RANBP3: variants seen among roughly 807,000 people sequenced by gnomAD.
RANBP3 encodes the protein ran-binding protein 3.
In RANBP3, 14 loss-of-function variants were observed where a neutral mutation model predicts 77.3. That is an observed-to-expected ratio of 0.18 (90% confidence interval 0.12 to 0.28). RANBP3 has a LOEUF of 0.28. Ranked by LOEUF, RANBP3 falls within the 10% of genes least tolerant of loss-of-function variation. The pLI is 1.00. For synonymous variants in RANBP3, 315 were observed against 312.4 expected, an observed-to-expected ratio of 1.01 and a Z score of -0.09; for missense variants, 586 against 752.3, an observed-to-expected ratio of 0.78 and a Z score of 2.59.
chr19:5,933,337 G>T, intron 6 of RANBP3, 77 bp downstream of exon 6: 1 of 1,184,854 alleles, frequency 8.4e-7, no homozygotes, highest in Non-Finnish European at 1.2e-6. Flanking sequence ...TGAGCCCGCG[G>T]TGCCCTGGTG....
intron 5 of RANBP3, among the ~76,000 whole-genome samples, chr19:5,936,154 G>A (rs1361521056): frequency 6.6e-6 from 1 of 152,258 alleles, no homozygotes; most frequent in Non-Finnish European, 1.5e-5. Flanking sequence ...ATCAAATGCT[G>A]AGAAGGCAGC....
chr19:5,977,571 G>A (rs927615279), intron 1 of RANBP3, among the ~76,000 whole-genome samples: 2 of 152,116 alleles, frequency 1.3e-5, no homozygotes, highest in Non-Finnish European at 2.9e-5. Context: ...TCCGTCCGCG[G>A]TGTGCGGCTG....
intron 3 of RANBP3, among the ~76,000 whole-genome samples, chr19:5,943,755 T>A (rs1235127035): frequency 6.6e-6 from 1 of 152,114 alleles, no homozygotes; most frequent in East Asian, 1.9e-4. Flanking sequence ...ATTATCACTA[T>A]CCCCACGAGA....
chr19:5,976,787 C>A (rs1271752362), intron 1 of RANBP3, among the ~76,000 whole-genome samples: 2 of 152,164 alleles, frequency 1.3e-5, no homozygotes, highest in Non-Finnish European at 2.9e-5. Flanking sequence ...GGGAGAGAAC[C>A]TGTGCTGCTG....
At chr19:5,954,434 G>A (rs902404165) in intron 2 of RANBP3, among the ~76,000 whole-genome samples, 6 of 152,152 alleles carry the variant, frequency 3.9e-5, no homozygotes, top group African/African-American at 1.4e-4. Context: ...GGCCATGCAG[G>A]AGAATGGCCT....
chr19:5,948,768 GA>G (rs1296478615), intron 3 of RANBP3, among the ~76,000 whole-genome samples: 1 of 152,162 alleles, frequency 6.6e-6, no homozygotes, highest in Middle Eastern at 3.2e-3. Flanking sequence ...ATTCATTCCA[GA>G]ACCTCCTTAA....
At position 5,930,129 on chromosome 19, in the gene RANBP3, G is replaced by A. The variant is rs189960538; in HGVS notation, c.693+1275C>T. ...CAGAGACACTGGGAGATGGCGGGACGGGCTGGGTCACTTCTAAGTCCTTCT... is the reference window on the plus strand; with the variant it reads ...CAGAGACACTGGGAGATGGCGGGACAGGCTGGGTCACTTCTAAGTCCTTCT... On this transcript the variant is annotated intron_variant, in intron 8 of 16. Transcript: ENST00000340578. 2.1e-3 allele frequency among the ~76,000 whole-genome samples: 327 copies of A among 152,326 alleles called. 1 individual carries two copies. Among genetic ancestry groups the A allele is most frequent in the Non-Finnish European group, 3.1e-3 (214 of 68,034 alleles).
Position 5,917,763 on chromosome 19 carries a change from T to TC in RANBP3, c.1660+30dup, listed in dbSNP as rs748432686. 681 of 1,588,468 alleles carry TC rather than the reference T, an allele frequency of 4.3e-4. 5 individuals carry two copies. Among genetic ancestry groups the TC allele is most frequent in the Non-Finnish European group, 3.3e-4 (380 of 1,166,078 alleles). On this transcript the variant is annotated intron_variant, in intron 16 of 16. Coordinates refer to ENST00000340578, the MANE Select transcript of RANBP3 (RefSeq NM_007322.3). ...CAAGGATGGCGGGCAGCTCTTTCTA[T>TC]CCCCCCCAGGGTAGGGACCACCCGA...
At chr19:5,966,976 C>T (rs565137770) in intron 1 of RANBP3, among the ~76,000 whole-genome samples, 6 of 152,352 alleles carry the variant, frequency 3.9e-5, no homozygotes, top group South Asian at 4.1e-4. Flanking sequence ...TCTGGTGACA[C>T]GATCACAACC....
intron 1 of RANBP3, among the ~76,000 whole-genome samples, chr19:5,972,617 G>T (rs1329775172): frequency 1.1e-4 from 17 of 152,292 alleles, no homozygotes; most frequent in Non-Finnish European, 2.2e-4. Context: ...TGGTCCTCTG[G>T]TAAGTTTTGA....
chr19:5,932,731 C>A lies in RANBP3; in HGVS notation c.473-187G>T, dbSNP rs995764215. ...GGAGATCTGGCTACTGTTATTTTTA[C>A]ATGTGATTACATGAAACTCCCAGTG... On this transcript the variant is annotated intron_variant, in intron 6 of 16. Coordinates refer to ENST00000340578, the MANE Select transcript of RANBP3 (RefSeq NM_007322.3). 5 of 580,654 alleles carry A rather than the reference C, an allele frequency of 8.6e-6. No individual in the cohort carries two copies. The East Asian group carries it at 1.5e-4, about 17-fold the overall frequency. The allele number at this position is 580,654 out of a possible 1,614,324, so 36.0% of individuals were successfully genotyped here.
intron 1 of RANBP3, among the ~76,000 whole-genome samples, chr19:5,977,028 A>G (rs1432998150): frequency 6.6e-6 from 1 of 152,206 alleles, no homozygotes; most frequent in Non-Finnish European, 1.5e-5. Flanking sequence ...CAGTATGTCA[A>G]GACTTTGCAC....
At chr19:5,968,311 T>G (rs2058491926) in intron 1 of RANBP3, among the ~76,000 whole-genome samples, 1 of 152,210 alleles carries the variant, frequency 6.6e-6, no homozygotes, top group South Asian at 2.1e-4. Flanking sequence ...TGTTCAAACC[T>G]GCCCTGGCCA....
In RANBP3 at chr19:5,928,344, C is replaced by A. The variant is rs1439222862; in HGVS notation, c.694-257G>T. On this transcript the variant is annotated intron_variant, in intron 8 of 16. Transcript: ENST00000340578. ...TCCAAACAACAAGAAACACCTGTGC[C>A]CTGCAGAAGCCTTAGTGCCGGCAGA... 3.8e-5 allele frequency: 12 copies of A among 312,698 alleles called. No individual in the cohort carries two copies. In the East Asian group the frequency reaches 4.9e-4, roughly 13 times the overall value. The allele number at this position is 312,698 out of a possible 1,614,324, so 19.4% of individuals were successfully genotyped here.
chr19:5,940,599 C>T lies in RANBP3; in HGVS notation c.406+1022G>A, dbSNP rs79885853. 3.7e-3 allele frequency among the ~76,000 whole-genome samples: 566 copies of T among 152,292 alleles called. 1 individual carries two copies. The highest frequency in any genetic ancestry group is 5.7e-3 in the Non-Finnish European group (388 of 68,024). ...ACTTGGGAAGGACCCTGGCTTCCTA[C>T]GCTGTGTGTTCCTGTAACGCATGCG... is the stretch of plus-strand genomic sequence containing the variant. On this transcript the variant is annotated intron_variant, in intron 5 of 16. Coordinates refer to ENST00000340578, the MANE Select transcript of RANBP3 (RefSeq NM_007322.3).
chr19:5,922,656 C>T (rs528523567), intron 13 of RANBP3, among the ~76,000 whole-genome samples: 24 of 152,330 alleles, frequency 1.6e-4, no homozygotes, highest in African/African-American at 1.7e-4. Flanking sequence ...AAAAATGTCT[C>T]GGGCTGGGCG....
chr19:5,933,253 C>G (rs1406926212), intron 6 of RANBP3, 161 bp downstream of exon 6: 1 of 575,064 alleles, frequency 1.7e-6, no homozygotes, highest in Non-Finnish European at 3.0e-6. Context: ...CCTCCCTGCT[C>G]AGACAGCCTC....
At chr19:5,954,661 T>C (rs374522771) in intron 2 of RANBP3, among the ~76,000 whole-genome samples, 28 of 152,214 alleles carry the variant, frequency 1.8e-4, no homozygotes, top group East Asian at 1.7e-3. Context: ...GGAAAAACAA[T>C]GGCAGCAGCT....
chr19:5,963,857 C>T (rs191282568), intron 1 of RANBP3, among the ~76,000 whole-genome samples: 14 of 152,296 alleles, frequency 9.2e-5, no homozygotes, highest in South Asian at 2.1e-4. Flanking sequence ...TCAGAACCCT[C>T]GTCCCATCTA....
Sources: gnomAD v4.1 joint callset for allele counts (sites outside exome capture counted in the v4.1 genomes callset) on GRCh38, gnomAD v4.1.1 for gene constraint, MANE v1.5 for transcripts, NCBI Gene and HGNC (gene_info 2026-07-23, HGNC 2026-07-21) for gene names.